Variants in ATP2B2 observed in about 807,000 individuals in gnomAD.
The protein encoded by ATP2B2 is ATPase plasma membrane Ca2+ transporting 2.
ATP2B2 carries 15 observed loss-of-function variants against 120.0 expected under a neutral mutation model. That is an observed-to-expected ratio of 0.12 (90% CI 0.08 to 0.19). The LOEUF (loss-of-function observed/expected upper bound fraction) is 0.19. Ranked by LOEUF, ATP2B2 falls within the 10% of genes least tolerant of loss-of-function variation. The pLI, the probability that ATP2B2 is intolerant of heterozygous loss-of-function variation, is 1.00. For synonymous variants in ATP2B2, 694 were observed against 700.3 expected, an observed-to-expected ratio of 0.99 and a Z score of 0.14; for missense variants, 1,045 against 1,719.8, an observed-to-expected ratio of 0.61 and a Z score of 6.94.
intron 3 of ATP2B2, among the ~76,000 whole-genome samples, chr3:10,407,462 G>A (rs979915070): frequency 3.3e-5 from 5 of 152,086 alleles, no homozygotes; most frequent in African/African-American, 7.2e-5. Flanking sequence ...CTGCTGACAG[G>A]GCCGGCGTTG....
At chr3:10,566,364 C>T (rs1294615476) in intron 2 of ATP2B2, 1 of 152,168 alleles carries the variant, frequency 6.6e-6, no homozygotes, top group Non-Finnish European at 1.5e-5. Flanking sequence ...GCTCTTGGTC[C>T]CATTGGATCC....
chr3:10,436,784 G>A (rs1170110474), intron 2 of ATP2B2, among the ~76,000 whole-genome samples: 1 of 152,176 alleles, frequency 6.6e-6, no homozygotes, highest in Non-Finnish European at 1.5e-5. Flanking sequence ...TCGGCACACA[G>A]GCAGAAACAG....
Position 10,346,391 on chromosome 3 carries a change from T to G in ATP2B2, c.2405-254A>C, listed in dbSNP as rs745496978. On this transcript the variant is annotated intron_variant, in intron 16 of 22. Coordinates refer to ENST00000360273, the MANE Select transcript of ATP2B2 (RefSeq NM_001001331.4). This position sits in a 1 kb window ranked among gnomAD's most constrained non-coding sequence, Gnocchi z 4.1. ...GGCCCTGCTCACCTCTCCAGCCCCC[T>G]CTTTGCTGTCTGCAACCTGTGGCCA... Among the ~76,000 whole-genome samples, 1 of 152,218 alleles carries G rather than the reference T, an allele frequency of 6.6e-6. No homozygotes were observed. Among genetic ancestry groups the G allele is most frequent in the Non-Finnish European group, 1.5e-5 (1 of 68,028 alleles).
rs965577074 is a variant in ATP2B2, at chr3:10,540,352, C to T, written c.-414-6219G>A. On this transcript the variant is annotated intron_variant, in intron 2 of 21. Coordinates refer to the ATP2B2 transcript ENST00000646379. ...TAGAACTAGAAATACCATTTGATTCCGTGATCCCATTACTGGGTATATACC... is the reference window on the plus strand; with the variant it reads ...TAGAACTAGAAATACCATTTGATTCTGTGATCCCATTACTGGGTATATACC... Among the ~76,000 whole-genome samples the T allele has an allele frequency of 5.3e-5, 8 of 152,184 alleles. No homozygotes were observed. In the East Asian group the frequency reaches 5.8e-4, roughly 11 times the overall value.
At chr3:10,470,596 A>G (rs1225122473) in intron 1 of ATP2B2, among the ~76,000 whole-genome samples, 2 of 152,160 alleles carry the variant, frequency 1.3e-5, no homozygotes, top group Non-Finnish European at 2.9e-5. Flanking sequence ...GAGCTAAGCA[A>G]TAGGTGAGGA....
chr3:10,639,273 C>T (rs2070107410), intron 1 of ATP2B2, among the ~76,000 whole-genome samples: 1 of 152,144 alleles, frequency 6.6e-6, no homozygotes, highest in African/African-American at 2.4e-5. Context: ...TTAATGCAGG[C>T]ATGGGGTTAT....
At chr3:10,476,513 C>T (rs1021877105) in intron 1 of ATP2B2, among the ~76,000 whole-genome samples, 1 of 152,182 alleles carries the variant, frequency 6.6e-6, no homozygotes, top group African/African-American at 2.4e-5. Context: ...AGGCTGGGGC[C>T]CCATGCTTGG....
Position 10,620,815 on chromosome 3 carries a change from T to C in ATP2B2, c.-459-854A>G, listed in dbSNP as rs1304846783. 4.2e-4 allele frequency among the ~76,000 whole-genome samples: 64 copies of C among 152,102 alleles called. 1 individual carries two copies. Among genetic ancestry groups the C allele is most frequent in the Admixed American group, 4.2e-3 (64 of 15,288 alleles). ...TGAAGCCAGAGGGAGAGGGAGCCCATTGGTGCAGCCCCTACCAGCCACCTC... is the reference window on the plus strand; with the variant it reads ...TGAAGCCAGAGGGAGAGGGAGCCCACTGGTGCAGCCCCTACCAGCCACCTC... On this transcript the variant is annotated intron_variant, in intron 1 of 21. Transcript: ENST00000646379.
chr3:10,615,802 TTATCTC>T (rs2069369470), intron 2 of ATP2B2, among the ~76,000 whole-genome samples: 1 of 152,226 alleles, frequency 6.6e-6, no homozygotes, highest in Non-Finnish European at 1.5e-5. Flanking sequence ...ATCAAATTGT[TTATCTC>T]TAACTCACTT....
intron 1 of ATP2B2, among the ~76,000 whole-genome samples, chr3:10,622,861 C>A (rs1256114070): frequency 6.6e-6 from 1 of 152,170 alleles, no homozygotes; most frequent in Non-Finnish European, 1.5e-5. Context: ...AAAGGGAAAC[C>A]ATTGCCTGGG....
At chr3:10,532,092 T>G (rs1016997697) in intron 3 of ATP2B2, among the ~76,000 whole-genome samples, 2 of 152,074 alleles carry the variant, frequency 1.3e-5, no homozygotes, top group East Asian at 3.9e-4. Context: ...TCTCAAACAT[T>G]GATCGGACCA....
At position 10,356,070 on chromosome 3, in the gene ATP2B2, GTC is replaced by G. The variant is rs1483850312; in HGVS notation, c.2136+2619_2136+2620del. Among the ~76,000 whole-genome samples, 3 of 6,116 alleles carry G rather than the reference GTC, an allele frequency of 4.9e-4. 1 individual carries two copies. The highest frequency in any genetic ancestry group is 8.8e-4 in the Non-Finnish European group (3 of 3,416). The allele number at this position is 6,116 out of a possible 152,430, so 4.0% of individuals were successfully genotyped here. ...AGCCTGGGCGACAGAGCGAGACTCC[GTC>G]TCAAAAAAAAAAAAAAAAAAAAAAA... On this transcript the variant is annotated intron_variant, in intron 14 of 22. Transcript: ENST00000360273.
chr3:10,616,145 C>G (rs577780794), intron 2 of ATP2B2, among the ~76,000 whole-genome samples: 2 of 152,352 alleles, frequency 1.3e-5, no homozygotes, highest in African/African-American at 4.8e-5. Flanking sequence ...GTCCCTGTTA[C>G]AGCCTGAATT....
intron 22 of ATP2B2, among the ~76,000 whole-genome samples, chr3:10,334,868 A>C (rs1012256326): frequency 2.0e-5 from 3 of 152,126 alleles, no homozygotes; most frequent in African/African-American, 7.2e-5. Flanking sequence ...CCCTTTATAA[A>C]GTTTCAAGGG....
At chr3:10,501,389 G>A (rs1334646564) in intron 1 of ATP2B2, among the ~76,000 whole-genome samples, 1 of 66,650 alleles carries the variant, frequency 1.5e-5, no homozygotes, top group South Asian at 5.7e-4. Flanking sequence ...TTTTTTTTTT[G>A]AGACAGGGTC....
chr3:10,456,552 G>C (rs1023603746), intron 1 of ATP2B2, among the ~76,000 whole-genome samples: 10 of 152,184 alleles, frequency 6.6e-5, no homozygotes, highest in Non-Finnish European at 1.5e-4. Flanking sequence ...TTCTGGCAAC[G>C]AGGAAACACT....
intron 1 of ATP2B2, among the ~76,000 whole-genome samples, chr3:10,472,495 C>T (rs774822470): frequency 2.6e-5 from 4 of 152,200 alleles, no homozygotes; most frequent in African/African-American, 4.8e-5. Flanking sequence ...CTGAGGCTTG[C>T]GGGGCTGTCC....
At chr3:10,480,036 T>TAGTG (rs1457724072) in intron 1 of ATP2B2, among the ~76,000 whole-genome samples, 1 of 152,180 alleles carries the variant, frequency 6.6e-6, no homozygotes, top group African/African-American at 2.4e-5. Flanking sequence ...TTTCAGGCTA[T>TAGTG]AGTGAGCCAT....
At chr3:10,352,806 T>C (rs1175545221) in intron 14 of ATP2B2, among the ~76,000 whole-genome samples, 2 of 152,242 alleles carry the variant, frequency 1.3e-5, no homozygotes, top group Non-Finnish European at 2.9e-5. Context: ...TGCTGTCTCC[T>C]GCCCCTGAGA....
Sources: gnomAD v4.1 joint callset for allele counts (sites outside exome capture counted in the v4.1 genomes callset) on GRCh38, gnomAD v4.1.1 for gene constraint, Gnocchi (gnomAD v3.1) non-coding constraint, MANE v1.5 for transcripts, NCBI Gene and HGNC (gene_info 2026-07-23, HGNC 2026-07-21) for gene names.